Variants in PPP2R5A observed in about 807,000 individuals in gnomAD.
The protein encoded by PPP2R5A is protein phosphatase 2 regulatory subunit B'alpha, also known as serine/threonine-protein phosphatase 2A 56 kDa regulatory subunit alpha isoform.
PPP2R5A carries 25 observed loss-of-function variants against 64.2 expected under a neutral mutation model. The ratio of observed to expected loss-of-function variants is 0.39; its 90% confidence interval spans 0.28 to 0.54. The LOEUF is 0.54. PPP2R5A is among the 20% of genes least tolerant of loss of function. The pLI is 0.67. For missense variants in PPP2R5A, 425 were observed against 576.3 expected (o/e 0.74, Z 2.69); for synonymous variants, 198 against 201.2 (o/e 0.98, Z 0.13).
At chr1:212,323,901 G>A (rs552993663) in intron 1 of PPP2R5A, among the ~76,000 whole-genome samples, 8 of 152,040 alleles carry the variant, frequency 5.3e-5, no homozygotes, top group East Asian at 1.9e-4. Context: ...GTGAAACCCC[G>A]TCTCTACTAA....
intron 11 of PPP2R5A, 59 bp from the exon 12 acceptor site, chr1:212,358,627 G>T: frequency 7.9e-7 from 1 of 1,260,884 alleles, no homozygotes; most frequent in Non-Finnish European, 1.1e-6. Context: ...AGACCATAGT[G>T]TTACATTTCC....
intron 1 of PPP2R5A, chr1:212,297,758 T>C (rs1018467560): frequency 1.3e-5 from 2 of 152,138 alleles, no homozygotes; most frequent in African/African-American, 2.4e-5. Context: ...CAAAAAAATA[T>C]GAGAGCATTT....
chr1:212,339,053 A>T (rs1659639883), intron 3 of PPP2R5A, among the ~76,000 whole-genome samples: 1 of 152,210 alleles, frequency 6.6e-6, no homozygotes, highest in South Asian at 2.1e-4. Context: ...GTAAATAGAG[A>T]GTGACACTGG....
At chr1:212,323,119 A>T (rs1659341933) in intron 1 of PPP2R5A, among the ~76,000 whole-genome samples, 1 of 152,124 alleles carries the variant, frequency 6.6e-6, no homozygotes, top group Non-Finnish European at 1.5e-5. Flanking sequence ...GTTTATATTT[A>T]ATCTTGTAAG....
At chr1:212,346,354 GC>G (rs1378845877) in intron 5 of PPP2R5A, among the ~76,000 whole-genome samples, 1 of 151,608 alleles carries the variant, frequency 6.6e-6, no homozygotes, top group Non-Finnish European at 1.5e-5. Flanking sequence ...CTTATATGGG[GC>G]CTATCATTTG....
rs568809945 is a variant in PPP2R5A, at chr1:212,326,245, T to G, written c.182-2890T>G. 2.4e-3 allele frequency among the ~76,000 whole-genome samples: 365 copies of G among 151,968 alleles called. 1 individual carries two copies. Among genetic ancestry groups the G allele is most frequent in the African/African-American group, 8.3e-3 (344 of 41,456 alleles). On this transcript the variant is annotated intron_variant, in intron 1 of 12. Coordinates refer to ENST00000261461, the MANE Select transcript of PPP2R5A (RefSeq NM_006243.4). ...TAAAAATAGTTGCAAATTCAATGTT[T>G]TTTTTTTTTTTAAGGATACATAAAA...
rs1352330969 is a variant in PPP2R5A at position 212,326,941 on chromosome 1, G to A, written c.182-2194G>A. ...AATAATTGATCAATGAAAAGAATGTGCCTTATGTCTTGTGACTTTGTGTGA... is the reference window on the plus strand; with the variant it reads ...AATAATTGATCAATGAAAAGAATGTACCTTATGTCTTGTGACTTTGTGTGA... On this transcript the variant is annotated intron_variant, in intron 1 of 12. Transcript: ENST00000261461. 2.6e-5 allele frequency among the ~76,000 whole-genome samples: 4 copies of A among 152,178 alleles called. No individual in the cohort carries two copies. The East Asian group carries it at 7.7e-4, about 29-fold the overall frequency.
intron 1 of PPP2R5A, among the ~76,000 whole-genome samples, chr1:212,307,906 G>A (rs147426317): frequency 0.014 from 2,172 of 151,810 alleles, 50 homozygotes; most frequent in African/African-American, 0.048. Context: ...GTGCAGTGGC[G>A]TGATCTTGGC....
chr1:212,303,987 C>T (rs1008756436), intron 1 of PPP2R5A, among the ~76,000 whole-genome samples: 2 of 152,032 alleles, frequency 1.3e-5, no homozygotes, highest in Admixed American at 6.6e-5. Context: ...TTTTCTTTTT[C>T]AGGATTGTTT....
intron 1 of PPP2R5A, among the ~76,000 whole-genome samples, chr1:212,292,268 A>C (rs1249244119): frequency 1.3e-5 from 2 of 152,154 alleles, no homozygotes; most frequent in Non-Finnish European, 2.9e-5. Context: ...GGTTTGAATA[A>C]TACTTCTGTT....
At chr1:212,346,560 T>A (rs1397634690) in intron 5 of PPP2R5A, among the ~76,000 whole-genome samples, 1 of 152,190 alleles carries the variant, frequency 6.6e-6, no homozygotes, top group Non-Finnish European at 1.5e-5. Flanking sequence ...TATTCTATAT[T>A]TTAAATTTGT....
chr1:212,357,352 CCTAA>C, intron 11 of PPP2R5A, 68 bp downstream of exon 11: 1 of 1,330,518 alleles, frequency 7.5e-7, no homozygotes, highest in Non-Finnish European at 1.0e-6. Context: ...TTATTGATTT[CCTAA>C]CTCATACTTG....
At chr1:212,300,928 A>G (rs1192048313) in intron 1 of PPP2R5A, among the ~76,000 whole-genome samples, 1 of 152,100 alleles carries the variant, frequency 6.6e-6, no homozygotes, top group African/African-American at 2.4e-5. Context: ...TTTCCCCACC[A>G]CCACCATCCC....
intron 4 of PPP2R5A, 53 bp from the exon 5 acceptor site, chr1:212,345,749 TA>T: frequency 6.5e-7 from 1 of 1,542,914 alleles, no homozygotes; most frequent in Non-Finnish European, 8.7e-7. Flanking sequence ...AAAATTAGAA[TA>T]AAGCTTTAGC....
Position 212,286,916 on chromosome 1 carries a change from C to T in PPP2R5A, c.181+625C>T, listed in dbSNP as rs1233551264. Among the ~76,000 whole-genome samples, 5 of 152,190 alleles carry T rather than the reference C, an allele frequency of 3.3e-5. No individual in the cohort carries two copies. The East Asian group carries it at 7.7e-4, about 23-fold the overall frequency. The stretch of plus-strand genomic sequence containing the variant: ...AGTATCTTATTCACAGGATCGTTAG[C>T]TTTAAATGGTATCCTTTAGCTCAAG... On this transcript the variant is annotated intron_variant, in intron 1 of 12. Coordinates refer to ENST00000261461, the MANE Select transcript of PPP2R5A (RefSeq NM_006243.4).
Position 212,357,209 on chromosome 1 carries a change from T to C in PPP2R5A, c.1151T>C (p.Ile384Thr), listed in dbSNP as rs750115208. The C allele has an allele frequency of 1.3e-6, 2 of 1,595,914 alleles. No homozygotes were observed. Among genetic ancestry groups the C allele is most frequent in the Non-Finnish European group, 1.7e-6 (2 of 1,174,244 alleles). The change falls in exon 11 of 13, where the codon ATT becomes ACT. Residue 384 changes from isoleucine (I) to threonine (T), a missense_variant. Transcript: ENST00000261461. ...AATAACGAATATATTCTTAGTTTGA[T>C]TGAGGAGAACATTGATAAAATTCTG... is the stretch of plus-strand genomic sequence containing the variant. ...FWNNEYILSL[I>T]EENIDKILPI...
chr1:212,345,396 T>C (rs1407468774), intron 4 of PPP2R5A, among the ~76,000 whole-genome samples: 1 of 152,194 alleles, frequency 6.6e-6, no homozygotes, highest in Non-Finnish European at 1.5e-5. Flanking sequence ...TGGATCTTTT[T>C]AAGACTATTT....
Position 212,342,191 on chromosome 1 carries a change from G to T in PPP2R5A, c.484G>T (p.Val162Leu), listed in dbSNP as rs1169634665. Residue 162 changes from valine to leucine, a missense_variant, in exon 4 of 13, where the codon GTA (valine) becomes TTA (leucine). Around this residue, in one of 4 missense-constraint regions of PPP2R5A, gnomAD observed 140 missense variants for 204.4 expected, o/e 0.68. Transcript: ENST00000261461. ...LEASWPHIQL[V>L]YEFFLRFLES... ...TTTATTTGACTTTCTCTCATAGTTGGTATATGAATTCTTCTTGAGATTTTT... is the reference window on the plus strand; with the variant it reads ...TTTATTTGACTTTCTCTCATAGTTGTTATATGAATTCTTCTTGAGATTTTT... 1 of 1,613,242 alleles carries T rather than the reference G, an allele frequency of 6.2e-7. No individual in the cohort carries two copies.
At chr1:212,291,348 A>C (rs918766509) in intron 1 of PPP2R5A, among the ~76,000 whole-genome samples, 1 of 152,100 alleles carries the variant, frequency 6.6e-6, no homozygotes, top group Non-Finnish European at 1.5e-5. Flanking sequence ...TCCCAAAGTT[A>C]TGGGATTACA....
Sources: gnomAD v4.1 joint callset for allele counts (sites outside exome capture counted in the v4.1 genomes callset) on GRCh38, gnomAD v4.1.1 for gene constraint, gnomAD v4.1.1 regional missense constraint, MANE v1.5 for transcripts, NCBI Gene and HGNC (gene_info 2026-07-23, HGNC 2026-07-21) for gene names.